The following RPN2 variants were observed in gnomAD, a reference collection of about 807,000 sequenced individuals.
The protein encoded by RPN2 is ribophorin II, also known as dolichyl-diphosphooligosaccharide--protein glycosyltransferase subunit 2.
RPN2 carries 29 observed loss-of-function variants against 71.4 expected under a neutral mutation model. The observed-to-expected ratio is 0.41, with a 90% CI of 0.30 to 0.55. The LOEUF (loss-of-function observed/expected upper bound fraction) is 0.55, where lower values mean the gene tolerates loss of function less well. Ranked by LOEUF, RPN2 falls within the 20% of genes least tolerant of loss-of-function variation. The probability of loss-of-function intolerance (pLI) is 0.35; values close to 1 mark genes in which losing one functional copy is unlikely to be tolerated. For synonymous variants in RPN2, 308 were observed against 305.0 expected (o/e 1.01, Z -0.10); for missense variants, 726 against 774.1 (o/e 0.94, Z 0.74).
intron 9 of RPN2, among the ~76,000 whole-genome samples, chr20:37,219,263 G>A (rs2067895405): frequency 6.6e-6 from 1 of 152,078 alleles, no homozygotes; most frequent in South Asian, 2.1e-4. Flanking sequence ...CCATTTCTCT[G>A]ATAGGTAATA....
At chr20:37,182,485 G>A (rs1370315552) in intron 1 of RPN2, among the ~76,000 whole-genome samples, 1 of 152,050 alleles carries the variant, frequency 6.6e-6, no homozygotes, top group African/African-American at 2.4e-5. Context: ...CAACCTCCTG[G>A]GCTCAAGTGA....
Position 37,241,525 on chromosome 20 carries a change from G to T in RPN2, c.*210G>T. On this transcript the variant is annotated 3_prime_UTR_variant, in exon 17 of 17. Transcript: ENST00000237530. ...AGATAGTCTCTTTCTCTGACACTGT[G>T]TAAGAAGCTGTGAATATTCCTAACT... is the stretch of plus-strand genomic sequence containing the variant. 1 of 623,614 alleles carries T rather than the reference G, an allele frequency of 1.6e-6. No individual in the cohort carries two copies. The highest frequency in any genetic ancestry group is 2.9e-6 in the Non-Finnish European group (1 of 349,548). 38.6% of individuals were successfully genotyped at this position (623,614 alleles called of 1,614,324 possible).
At chr20:37,191,684 CAAAA>C (rs912861649) in intron 2 of RPN2, among the ~76,000 whole-genome samples, 20 of 151,306 alleles carry the variant, frequency 1.3e-4, no homozygotes, top group African/African-American at 3.9e-4. Context: ...GACTCTGTCT[CAAAA>C]GAAAGAAAGA....
chr20:37,236,519 C>T (rs760637638), intron 15 of RPN2, 61 bp from the exon 16 acceptor site: 11 of 1,595,132 alleles, frequency 6.9e-6, no homozygotes, highest in Non-Finnish European at 9.4e-6. Flanking sequence ...TCTAACTTTC[C>T]TCAACCGCAG....
At chr20:37,212,375 C>T (rs1012563068) in intron 8 of RPN2, among the ~76,000 whole-genome samples, 25 of 151,970 alleles carry the variant, frequency 1.6e-4, no homozygotes, top group Admixed American at 4.6e-4. Context: ...TCATTTGAAC[C>T]GAGGAGCTTA....
chr20:37,230,303 C>G (rs1388207095), intron 13 of RPN2, among the ~76,000 whole-genome samples: 1 of 152,190 alleles, frequency 6.6e-6, no homozygotes, highest in African/African-American at 2.4e-5. Context: ...GTCTGGTTTT[C>G]CTGACATCCG....
At chr20:37,208,859 C>T (rs1449508100) in intron 7 of RPN2, among the ~76,000 whole-genome samples, 1 of 152,216 alleles carries the variant, frequency 6.6e-6, no homozygotes, top group Non-Finnish European at 1.5e-5. Context: ...CTGTCTGTCC[C>T]ATTAGTTCTA....
At chr20:37,201,775 T>C (rs2067396854) in intron 4 of RPN2, among the ~76,000 whole-genome samples, 1 of 152,214 alleles carries the variant, frequency 6.6e-6, no homozygotes, top group Non-Finnish European at 1.5e-5. Context: ...CAAGCTGATA[T>C]AAATTAGAAC....
At chr20:37,182,961 C>T (rs2066919468) in intron 1 of RPN2, among the ~76,000 whole-genome samples, 1 of 152,110 alleles carries the variant, frequency 6.6e-6, no homozygotes. Flanking sequence ...ATTTATTCAG[C>T]AAATATTTAT....
chr20:37,185,907 A>G (rs999423937), intron 2 of RPN2, among the ~76,000 whole-genome samples: 4 of 152,254 alleles, frequency 2.6e-5, no homozygotes, highest in Non-Finnish European at 4.4e-5. Context: ...TCCCGGAAGC[A>G]CTGGAGAAGA....
intron 2 of RPN2, among the ~76,000 whole-genome samples, chr20:37,193,168 C>T (rs1184101134): frequency 2.6e-5 from 4 of 152,094 alleles, no homozygotes; most frequent in African/African-American, 9.7e-5. Flanking sequence ...AAACTCAAAC[C>T]TCTCTGCATC....
At chr20:37,193,207 C>G (rs1474883720) in intron 2 of RPN2, among the ~76,000 whole-genome samples, 1 of 152,276 alleles carries the variant, frequency 6.6e-6, no homozygotes, top group East Asian at 1.9e-4. Flanking sequence ...TCCTTAAGGG[C>G]AGGGACTTTG....
intron 1 of RPN2, among the ~76,000 whole-genome samples, chr20:37,179,834 G>A (rs1201257093): frequency 6.6e-6 from 1 of 152,240 alleles, no homozygotes; most frequent in Non-Finnish European, 1.5e-5. Flanking sequence ...TGGAGCATAA[G>A]TTCTCAAGTG....
In RPN2 at chr20:37,199,240, C is replaced by T. The variant is rs764791936; in HGVS notation, c.479+15C>T. ...ACTGTGCTGGCGTGAGTTGTCATCTCGAGCATTTCTCAGGCTTCATTTGTC... is the reference window on the plus strand; with the variant it reads ...ACTGTGCTGGCGTGAGTTGTCATCTTGAGCATTTCTCAGGCTTCATTTGTC... On this transcript the variant is annotated intron_variant, in intron 4 of 16. Coordinates refer to ENST00000237530, the MANE Select transcript of RPN2 (RefSeq NM_002951.5). The T allele has an allele frequency of 2.5e-5, 40 of 1,612,494 alleles. No individual in the cohort carries two copies. The Admixed American group carries it at 4.2e-4, about 17-fold the overall frequency.
chr20:37,238,730 T>TG lies in RPN2; in HGVS notation c.1883+2025dup, dbSNP rs1163123820. 1.2e-5 allele frequency: 8 copies of TG among 677,252 alleles called. 1 individual carries two copies. The highest frequency in any genetic ancestry group is 9.6e-5 in the South Asian group (7 of 73,010). 42.0% of individuals were successfully genotyped at this position (677,252 alleles called of 1,614,324 possible). A position where few individuals can be genotyped will look rare whatever the true frequency, so the allele number is the denominator to read the frequency against. The stretch of plus-strand genomic sequence containing the variant: ...AGACTTCATTCTCCCTTATATCCCG[T>TG]GGGGTACTTACTTATTTATAGACAA... On this transcript the variant is annotated intron_variant, in intron 16 of 16. Transcript: ENST00000237530.
chr20:37,179,829 C>T (rs1214917468), intron 1 of RPN2, among the ~76,000 whole-genome samples: 4 of 152,210 alleles, frequency 2.6e-5, no homozygotes, highest in African/African-American at 9.6e-5. Context: ...GAGCCTGGAG[C>T]ATAAGTTCTC....
chr20:37,218,137 C>T (rs886882716), intron 9 of RPN2, among the ~76,000 whole-genome samples: 1 of 152,158 alleles, frequency 6.6e-6, no homozygotes, highest in African/African-American at 2.4e-5. Context: ...TCAGGCTGGG[C>T]ATGAGCCACC....
chr20:37,209,971 G>A, intron 7 of RPN2, 76 bp from the exon 8 acceptor site: 1 of 1,594,468 alleles, frequency 6.3e-7, no homozygotes, highest in Non-Finnish European at 8.5e-7. Context: ...GCAACCTATA[G>A]ATAAAGCACC....
At chr20:37,217,348 A>G (rs1471104303) in intron 9 of RPN2, among the ~76,000 whole-genome samples, 1 of 151,628 alleles carries the variant, frequency 6.6e-6, no homozygotes, top group Non-Finnish European at 1.5e-5. Flanking sequence ...GCTGGAATGC[A>G]GTGGCGCAAT....
Sources: gnomAD v4.1 joint callset for allele counts (sites outside exome capture counted in the v4.1 genomes callset) on GRCh38, gnomAD v4.1.1 for gene constraint, MANE v1.5 for transcripts, NCBI Gene and HGNC (gene_info 2026-07-23, HGNC 2026-07-21) for gene names.